Variants in HERC6 observed in about 807,000 individuals in gnomAD.
HERC6 encodes HECT and RLD domain containing E3 ubiquitin protein ligase family member 6.
HERC6 carries 101 observed loss-of-function variants against 114.5 expected under a neutral mutation model. That is an observed-to-expected ratio of 0.88 (90% CI 0.75 to 1.04). The LOEUF (loss-of-function observed/expected upper bound fraction) is 1.04. Ranked by LOEUF, HERC6 falls within the 50% of genes least tolerant of loss-of-function variation. HERC6 has a pLI of 0.00. For missense variants in HERC6, 1,133 were observed against 1,230.9 expected, an observed-to-expected ratio of 0.92 and a Z score of 1.19; for synonymous variants, 408 against 436.2, an observed-to-expected ratio of 0.94 and a Z score of 0.81.
chr4:88,437,273 T>A (rs1245090283), intron 19 of HERC6, among the ~76,000 whole-genome samples: 1 of 152,044 alleles, frequency 6.6e-6, no homozygotes, highest in African/African-American at 2.4e-5. Context: ...GCCAGGCTGG[T>A]CTCTAACTCC....
chr4:88,413,110 G>A lies in HERC6; in HGVS notation c.1402G>A (p.Ala468Thr). The change falls in exon 12 of 23, where the codon GCT (alanine) becomes ACT (threonine). Residue 468 changes from alanine to threonine, a missense_variant. This residue lies in a region of HERC6 where 735 missense variants were observed against 754.0 expected (regional missense o/e 0.97). Transcript: ENST00000264346. ...GTGTCTCGAGGATGATCTGCTCAGA[G>A]CTCTTCCATGCCATTCTCCACACCA... ...TTCLEDDLLR[A>T]LPCHSPHQEA... 6.2e-7 allele frequency: 1 copy of A among 1,613,258 alleles called. No individual in the cohort carries two copies. The highest frequency in any genetic ancestry group is 1.7e-5 in the Admixed American group (1 of 59,882).
chr4:88,390,198 A>AAAAG lies in HERC6; in HGVS notation c.437-449_437-446dup, dbSNP rs1560535601. Among the ~76,000 whole-genome samples the AAAAG allele has an allele frequency of 2.4e-3, 347 of 144,562 alleles. 4 individuals carry two copies. The highest frequency in any genetic ancestry group is 3.7e-3 in the South Asian group (17 of 4,590). 94.8% of individuals were successfully genotyped at this position (144,562 alleles called of 152,430 possible). A position where few individuals can be genotyped will look rare whatever the true frequency, so the allele number is the denominator to read the frequency against. On this transcript the variant is annotated intron_variant, in intron 3 of 22. Coordinates refer to ENST00000264346, the MANE Select transcript of HERC6 (RefSeq NM_017912.4). ...GTATCAAAAAAAAAAAAAAAAAAAA[A>AAAAG]AAAGAAAGTCAAACTCAATAAAAAC...
intron 20 of HERC6, 143 bp from the exon 21 acceptor site, chr4:88,439,730 CA>C (rs1273509463): frequency 1.5e-6 from 1 of 685,120 alleles, no homozygotes; most frequent in East Asian, 3.3e-5. Flanking sequence ...AGGTTTTGGT[CA>C]CAATACAACA....
rs146887887 is a variant in HERC6, at chr4:88,393,304, T to TA, written c.665-174dup. Among the ~76,000 whole-genome samples the TA allele has an allele frequency of 2.3e-3, 338 of 145,648 alleles. 2 individuals are homozygous for TA. Among genetic ancestry groups the TA allele is most frequent in the Middle Eastern group, 0.014 (4 of 286 alleles). ...AAAGATATAAAAGATACCCCTTACA[T>TA]AAAAAAAAAAGATATTAAAAATATA... On this transcript the variant is annotated intron_variant, in intron 4 of 22. Coordinates refer to ENST00000264346, the MANE Select transcript of HERC6 (RefSeq NM_017912.4).
At chr4:88,403,236 C>T (rs2148890205) in intron 8 of HERC6, among the ~76,000 whole-genome samples, 1 of 152,208 alleles carries the variant, frequency 6.6e-6, no homozygotes, top group South Asian at 2.1e-4. Flanking sequence ...AAATTCTCAC[C>T]CTCTACCCTG....
chr4:88,406,339 A>G (rs529465281), intron 10 of HERC6, among the ~76,000 whole-genome samples: 12 of 152,322 alleles, frequency 7.9e-5, no homozygotes, highest in African/African-American at 2.4e-4. Context: ...ATGGTGATAC[A>G]CATCTTGTAC....
chr4:88,417,633 T>C, intron 13 of HERC6, 54 bp downstream of exon 13: 1 of 1,483,538 alleles, frequency 6.7e-7, no homozygotes, highest in Non-Finnish European at 9.2e-7. Flanking sequence ...CAAAATCCCT[T>C]AAGTCTCAAC....
intron 10 of HERC6, 99 bp downstream of exon 10, chr4:88,405,712 C>A: frequency 1.7e-6 from 1 of 587,790 alleles, no homozygotes; most frequent in South Asian, 3.4e-5. Flanking sequence ...GTTATTCTTG[C>A]CCACAAAGTC....
chr4:88,439,770 T>C (rs997485040), intron 20 of HERC6, 104 bp from the exon 21 acceptor site: 1 of 1,124,156 alleles, frequency 8.9e-7, no homozygotes, highest in Non-Finnish European at 1.2e-6. Context: ...GTAATTTACT[T>C]TTCCTTCTCA....
chr4:88,385,380 A>G, intron 2 of HERC6, 119 bp from the exon 3 acceptor site: 1 of 631,884 alleles, frequency 1.6e-6, no homozygotes, highest in East Asian at 3.1e-5. Flanking sequence ...GAAATACAAG[A>G]AAATAAAATA....
In HERC6 at chr4:88,424,640, T is replaced by C; in HGVS notation, c.1873T>C (p.Phe625Leu). Residue 625 changes from phenylalanine (F) to leucine (L), a missense_variant, in exon 15 of 23, where the codon TTT (phenylalanine) becomes CTT (leucine). By Grantham distance (22) the Phe-to-Leu change is conservative. Transcript: ENST00000264346. ...TCCTGTTATTTTCAGTGATTTTCCA[T>C]TTATCTTTAATTCGCTATCCAAAAT... ...PSPVIFSDFP[F>L]IFNSLSKIKL... 1 of 1,612,382 alleles carries C rather than the reference T, an allele frequency of 6.2e-7. No homozygotes were observed. Among genetic ancestry groups the C allele is most frequent in the Non-Finnish European group, 8.5e-7 (1 of 1,178,938 alleles).
intron 19 of HERC6, 102 bp downstream of exon 19, chr4:88,437,073 T>C: frequency 1.3e-6 from 1 of 793,208 alleles, no homozygotes; most frequent in East Asian, 3.0e-5. Context: ...TTTTTTTTTA[T>C]TGAGGCAGAG....
At chr4:88,387,078 G>A (rs1734623068) in intron 3 of HERC6, among the ~76,000 whole-genome samples, 1 of 152,164 alleles carries the variant, frequency 6.6e-6, no homozygotes, top group Non-Finnish European at 1.5e-5. Flanking sequence ...TTTTATGTGT[G>A]TTTTTTCACA....
At chr4:88,394,069 C>T (rs917631190) in intron 5 of HERC6, among the ~76,000 whole-genome samples, 2 of 152,166 alleles carry the variant, frequency 1.3e-5, no homozygotes, top group Non-Finnish European at 2.9e-5. Flanking sequence ...CAGAGCCATT[C>T]AGTGTACACA....
At position 88,404,741 on chromosome 4, in the gene HERC6, C is replaced by A; in HGVS notation, c.1093-135C>A. 9 of 1,156,608 alleles carry A rather than the reference C, an allele frequency of 7.8e-6. No homozygotes were observed. The South Asian group carries it at 1.2e-4, about 15-fold the overall frequency. 71.6% of individuals were successfully genotyped at this position (1,156,608 alleles called of 1,614,324 possible). A position where few individuals can be genotyped will look rare whatever the true frequency, so the allele number is the denominator to read the frequency against. On this transcript the variant is annotated intron_variant, in intron 8 of 22. Coordinates refer to ENST00000264346, the MANE Select transcript of HERC6 (RefSeq NM_017912.4). Reference sequence around the variant, plus strand: ...TGGAATAGCCCTACCGGTCTGACGCCAAAGCTCCTCCCACCAAATGCTACC... The same window carrying A: ...TGGAATAGCCCTACCGGTCTGACGCAAAAGCTCCTCCCACCAAATGCTACC...
Position 88,408,604 on chromosome 4 carries a change from G to A in HERC6, c.1355G>A (p.Trp452Ter). The part of the protein sequence containing the change: ...DTFKKLTKKE[W>*]ISSMITTCLE... ...TTCAAGAAGTTAACAAAAAAGGAAT[G>A]GATTTCTTCCATGGTAATAGCCAAT... is the stretch of plus-strand genomic sequence containing the variant. The change falls in exon 11 of 23, where the codon TGG becomes TAG. Residue 452 changes from tryptophan (W) to a stop codon, truncating the protein, a stop_gained. Transcript: ENST00000264346. LOFTEE classifies it high-confidence loss of function. 1.9e-6 allele frequency: 3 copies of A among 1,577,700 alleles called. No homozygotes were observed. Among genetic ancestry groups the A allele is most frequent in the Non-Finnish European group, 1.7e-6 (2 of 1,157,958 alleles).
chr4:88,439,279 C>A (rs901811183), intron 20 of HERC6, among the ~76,000 whole-genome samples: 4 of 151,590 alleles, frequency 2.6e-5, no homozygotes, highest in Admixed American at 2.0e-4. Context: ...GAGGCTGTGG[C>A]GGGAGGTTCG....
intron 5 of HERC6, among the ~76,000 whole-genome samples, chr4:88,394,606 G>A (rs1354960368): frequency 6.6e-6 from 1 of 151,084 alleles, no homozygotes; most frequent in Non-Finnish European, 1.5e-5. Context: ...GTGCAGTGGT[G>A]CAATCTCGGC....
Position 88,431,197 on chromosome 4 carries a change from AG to A in HERC6, c.2146del (p.Val716LeufsTer13). On this transcript the variant is annotated frameshift_variant, in exon 17 of 23. Coordinates refer to ENST00000264346, the MANE Select transcript of HERC6 (RefSeq NM_017912.4). LOFTEE classifies it high-confidence loss of function. ...FINEICPESG[G>X]VSSEFFHCMF... is the part of the protein sequence containing the mutation. ...TTAATGAAATTTGTCCTGAGTCTGG[AG>A]GGGTTAGTTCAGAGTTCTTCCACTG... The A allele has an allele frequency of 1.2e-6, 2 of 1,612,830 alleles. No individual in the cohort carries two copies. Among genetic ancestry groups the A allele is most frequent in the Non-Finnish European group, 8.5e-7 (1 of 1,179,378 alleles).
Sources: allele counts gnomAD v4.1 joint callset (sites outside exome capture counted in the v4.1 genomes callset), GRCh38; gene constraint gnomAD v4.1.1; regional missense constraint gnomAD v4.1.1; transcripts MANE v1.5; gene names NCBI Gene and HGNC (gene_info 2026-07-23, HGNC 2026-07-21).